GRHPR: variants seen among roughly 807,000 people sequenced by gnomAD.
GRHPR encodes the protein glyoxylate reductase/hydroxypyruvate reductase.
GRHPR carries 35 observed loss-of-function variants against 36.8 expected under a neutral mutation model. That is an observed-to-expected ratio of 0.95 (90% CI 0.73 to 1.26). The LOEUF (loss-of-function observed/expected upper bound fraction) is 1.26, where lower values mean the gene tolerates loss of function less well. Ranked by LOEUF, GRHPR falls within the 50% of genes most tolerant of loss-of-function variation. The pLI, the probability that GRHPR is intolerant of heterozygous loss-of-function variation, is 0.00. For synonymous variants in GRHPR, 179 were observed against 181.0 expected (o/e 0.99, Z 0.09); for missense variants, 380 against 435.0 (o/e 0.87, Z 1.12).
chr9:37,438,118 T>C (rs1299977299), downstream of GRHPR: 1 of 152,406 alleles, frequency 6.6e-6, no homozygotes, highest in Non-Finnish European at 1.5e-5. Context: ...GGCATGAATA[T>C]GACAAATTTT....
chr9:37,431,162 C>A, intron 7 of GRHPR: 1 of 391,780 alleles, frequency 2.6e-6, no homozygotes. Flanking sequence ...GTCAGACCTT[C>A]CTTCTCTGCC....
intron 4 of GRHPR, chr9:37,428,126 A>G (rs1442292816): frequency 2.6e-6 from 1 of 386,772 alleles, no homozygotes; most frequent in Non-Finnish European, 4.9e-6. Flanking sequence ...TAAAGTGCCA[A>G]GAGAACTTGT....
chr9:37,424,726 C>G (rs1244948084), intron 1 of GRHPR, 119 bp from the exon 2 acceptor site: 1 of 1,213,732 alleles, frequency 8.2e-7, no homozygotes, highest in Admixed American at 2.1e-5. Context: ...CCCTGCCTCC[C>G]CTCAGCCAGC....
At chr9:37,429,062 G>A (rs546099090) in intron 5 of GRHPR, 30 of 317,754 alleles carry the variant, frequency 9.4e-5, no homozygotes, top group East Asian at 4.8e-4. Context: ...GCAGAAGGGC[G>A]TGAGCCTAGC....
chr9:37,428,532 C>T lies in GRHPR; in HGVS notation c.453C>T (p.Leu151=), dbSNP rs1564299034. ...WKPLWLCGYG[L]TQSTVGIIGL... ...CCCTCTGGCTGTGTGGCTATGGACT[C>T]ACGCAGAGCACTGTCGGCATCATCG... Residue 151 remains leucine, a synonymous_variant, in exon 5 of 9, where the codon CTC becomes CTT. Coordinates refer to ENST00000318158, the MANE Select transcript of GRHPR (RefSeq NM_012203.2). The T allele has an allele frequency of 6.2e-7, 1 of 1,612,228 alleles. No individual in the cohort carries two copies. Among genetic ancestry groups the T allele is most frequent in the Non-Finnish European group, 8.5e-7 (1 of 1,179,478 alleles).
At chr9:37,430,273 A>C in intron 6 of GRHPR, 1 of 601,042 alleles carries the variant, frequency 1.7e-6, no homozygotes. Flanking sequence ...GATCTCAAGC[A>C]TTCCCCACGC....
chr9:37,436,624 C>T (rs761563873), intron 8 of GRHPR, 37 bp from the exon 9 acceptor site: 3 of 1,609,268 alleles, frequency 1.9e-6, no homozygotes, highest in South Asian at 2.2e-5. Flanking sequence ...CTGAACCACC[C>T]TTCTTATCTC....
At chr9:37,437,931 C>CAAAG (rs1218285105), downstream of GRHPR, among the ~76,000 whole-genome samples, 1 of 152,060 alleles carries the variant, frequency 6.6e-6, no homozygotes, top group Non-Finnish European at 1.5e-5. Context: ...GTGCGTAGCT[C>CAAAG]AAAGACAGAA....
intron 8 of GRHPR, chr9:37,434,443 G>C: frequency 1.7e-6 from 1 of 593,240 alleles, no homozygotes; most frequent in Non-Finnish European, 3.1e-6. Context: ...ACCAATTGGG[G>C]CCATGCAGGA....
Position 37,424,898 on chromosome 9 carries a change from A to G in GRHPR, c.137A>G (p.Glu46Gly). Residue 46 changes from glutamate to glycine, a missense_variant, in exon 2 of 9, where the codon GAG becomes GGG. Glu to Gly is a moderately conservative substitution (Grantham distance 98, BLOSUM62 -2). Coordinates refer to ENST00000318158, the MANE Select transcript of GRHPR (RefSeq NM_012203.2). ...SDEPIPAKEL[E>G]RGVAGAHGLL... ...GAGCCCATCCCTGCCAAGGAGCTAGAGCGAGGTGTGGCGGGGGCCCACGGC... is the reference window on the plus strand; with the variant it reads ...GAGCCCATCCCTGCCAAGGAGCTAGGGCGAGGTGTGGCGGGGGCCCACGGC... 6.2e-7 allele frequency: 1 copy of G among 1,613,672 alleles called. No homozygotes were observed. Among genetic ancestry groups the G allele is most frequent in the Non-Finnish European group, 8.5e-7 (1 of 1,179,910 alleles).
chr9:37,438,420 C>A (rs1036239696), downstream of GRHPR: 1 of 152,570 alleles, frequency 6.6e-6, no homozygotes, highest in African/African-American at 2.4e-5. Flanking sequence ...GCTTCTCACA[C>A]GTAGAAACTG....
intron 8 of GRHPR, 80 bp from the exon 9 acceptor site, chr9:37,436,581 C>T: frequency 2.0e-6 from 3 of 1,518,784 alleles, no homozygotes; most frequent in Non-Finnish European, 1.8e-6. Context: ...TACCGGCAAA[C>T]CCAAGCCATG....
intron 8 of GRHPR, 64 bp downstream of exon 8, chr9:37,432,202 G>T: frequency 6.5e-7 from 1 of 1,546,384 alleles, no homozygotes; most frequent in Non-Finnish European, 8.9e-7. Context: ...TTTTGAGGGG[G>T]TCCCAAGGGG....
At chr9:37,423,849 T>C (rs1822954828) in intron 1 of GRHPR, among the ~76,000 whole-genome samples, 1 of 152,198 alleles carries the variant, frequency 6.6e-6, no homozygotes, top group African/African-American at 2.4e-5. Context: ...TTAATCCTGG[T>C]AGCACTGTGA....
intron 8 of GRHPR, among the ~76,000 whole-genome samples, chr9:37,435,804 T>G (rs1823613963): frequency 6.6e-6 from 1 of 152,152 alleles, no homozygotes; most frequent in Admixed American, 6.5e-5. Context: ...AAAGCAGTTT[T>G]ATGGGGTTTA....
In GRHPR at chr9:37,432,055, G is replaced by C. The variant is rs952184325; in HGVS notation, c.782G>C (p.Gly261Ala). The C allele has an allele frequency of 1.2e-6, 2 of 1,614,018 alleles. No individual in the cohort carries two copies. Among genetic ancestry groups the C allele is most frequent in the African/African-American group, 1.3e-5 (1 of 74,942 alleles). The change falls in exon 8 of 9, where the codon GGT becomes GCT. Residue 261 changes from glycine (G) to alanine (A), a missense_variant. Physicochemically the swap from Gly to Ala is moderately conservative, Grantham distance 60. Coordinates refer to ENST00000318158, the MANE Select transcript of GRHPR (RefSeq NM_012203.2). ...GACCTGTACCAGGCCTTGGCCAGTG[G>C]TAAGATTGCAGCTGCTGGACTGGAT... ...QDDLYQALAS[G>A]KIAAAGLDVT...
rs1823674061 is a variant in GRHPR, at chr9:37,436,668, G to T, written c.873G>T (p.Leu291=). 1 of 1,613,700 alleles carries T rather than the reference G, an allele frequency of 6.2e-7. No homozygotes were observed. The highest frequency in any genetic ancestry group is 1.1e-5 in the South Asian group (1 of 91,066). The change falls in exon 9 of 9, where the codon CTG becomes CTT. Residue 291 remains leucine (L), a synonymous_variant. Coordinates refer to ENST00000318158, the MANE Select transcript of GRHPR (RefSeq NM_012203.2). The part of the protein sequence containing the change: ...PLLTLKNCVI[L]PHIGSATHRT... ...TCTCTCTCTCCTTTCCAGTGATTCT[G>T]CCCCACATTGGCAGTGCCACCCACA...
chr9:37,422,634 T>A, upstream of GRHPR: 1 of 829,804 alleles, frequency 1.2e-6, no homozygotes, highest in Non-Finnish European at 2.0e-6. Context: ...CCACACCCCC[T>A]GCGCACGCCG....
At chr9:37,437,764 C>T (rs1394890857), downstream of GRHPR, among the ~76,000 whole-genome samples, 3 of 151,736 alleles carry the variant, frequency 2.0e-5, no homozygotes, top group Non-Finnish European at 2.9e-5. Flanking sequence ...CAATGCCTTG[C>T]TCTGTGCTCA....
Sources: allele counts gnomAD v4.1 joint callset (sites outside exome capture counted in the v4.1 genomes callset), GRCh38; gene constraint gnomAD v4.1.1; transcripts MANE v1.5; gene names NCBI Gene and HGNC (gene_info 2026-07-23, HGNC 2026-07-21).